Variants in TMEM114 observed in about 807,000 individuals in gnomAD.
TMEM114 encodes claudin-26.
A neutral mutation model predicts 6.2 loss-of-function variants in TMEM114; 6 were observed. The ratio of observed to expected loss-of-function variants is 0.97; its 90% CI spans 0.53 to 1.91. The LOEUF (loss-of-function observed/expected upper bound fraction) is 1.91, where lower values mean the gene tolerates loss of function less well. Among genes scored for constraint, TMEM114 ranks in the 40% most tolerant of loss-of-function variants. The probability of loss-of-function intolerance (pLI) is 0.01; values close to 1 mark genes in which losing one functional copy is unlikely to be tolerated. For synonymous variants in TMEM114, 104 were observed against 73.0 expected, an observed-to-expected ratio of 1.42 and a Z score of -2.16; for missense variants, 218 against 158.3, an observed-to-expected ratio of 1.38 and a Z score of -2.02.
At chr16:8,571,832 T>C (rs761776938) in intron 3 of TMEM114, among the ~76,000 whole-genome samples, 3 of 152,150 alleles carry the variant, frequency 2.0e-5, no homozygotes, top group South Asian at 2.1e-4. Context: ...GCAAAGGTAA[T>C]ACATGCGGCT....
At chr16:8,541,923 C>T (rs1033788034) in intron 2 of TMEM114, among the ~76,000 whole-genome samples, 18 of 152,134 alleles carry the variant, frequency 1.2e-4, no homozygotes, top group Admixed American at 6.5e-5. Flanking sequence ...CTGTTCTTTC[C>T]AAGAACAAAG....
chr16:8,544,482 C>G (rs114843495), intron 2 of TMEM114, among the ~76,000 whole-genome samples: 119 of 152,268 alleles, frequency 7.8e-4, no homozygotes, highest in African/African-American at 2.6e-3. Flanking sequence ...AGAAACAAAA[C>G]CTGCTGAATT....
chr16:8,562,526 T>TGAGTGAGTGAGTGAATGAGTGAGTGGGTG (rs1465142445), intron 2 of TMEM114, among the ~76,000 whole-genome samples: 3 of 127,142 alleles, frequency 2.4e-5, no homozygotes, highest in Non-Finnish European at 5.1e-5. Context: ...ATGAGTGAGT[T>TGAGTGAGTGAGTGAATGAGTGAGTGGGTG]AATGAGTGAG....
At chr16:8,563,325 A>AGTGAGTGAGTGAATGAG (rs1901353474) in intron 2 of TMEM114, among the ~76,000 whole-genome samples, 1 of 115,788 alleles carries the variant, frequency 8.6e-6, no homozygotes, top group African/African-American at 3.4e-5. Flanking sequence ...GAGGGAGGGT[A>AGTGAGTGAGTGAATGAG]TGAGTGAGTG....
chr16:8,569,255 C>T (rs1012264135), downstream of TMEM114, among the ~76,000 whole-genome samples: 2 of 152,136 alleles, frequency 1.3e-5, no homozygotes, highest in African/African-American at 4.8e-5. Flanking sequence ...TTGGGAGTCT[C>T]GCAGCTTCAT....
At chr16:8,565,746 T>A (rs1901520484), downstream of TMEM114, among the ~76,000 whole-genome samples, 1 of 152,034 alleles carries the variant, frequency 6.6e-6, no homozygotes, top group South Asian at 2.1e-4. Flanking sequence ...GGTTCTTACC[T>A]CCCCTGCACA....
At chr16:8,534,542 A>G (rs1375163454), downstream of TMEM114, among the ~76,000 whole-genome samples, 1 of 152,118 alleles carries the variant, frequency 6.6e-6, no homozygotes, top group Non-Finnish European at 1.5e-5. Flanking sequence ...TGTTCCCATC[A>G]CTACTTTTCC....
downstream of TMEM114, among the ~76,000 whole-genome samples, chr16:8,537,361 C>T (rs1416882892): frequency 6.6e-6 from 1 of 151,954 alleles, no homozygotes; most frequent in Non-Finnish European, 1.5e-5. Flanking sequence ...ATTAGCCAAG[C>T]GCGATGGCAC....
At chr16:8,542,995 C>T (rs1417718385) in intron 2 of TMEM114, among the ~76,000 whole-genome samples, 1 of 152,216 alleles carries the variant, frequency 6.6e-6, no homozygotes, top group Non-Finnish European at 1.5e-5. Context: ...ACTGTAATAA[C>T]TCCTAGCCAG....
At chr16:8,537,492 C>T (rs1174260349), downstream of TMEM114, 1 of 152,082 alleles carries the variant, frequency 6.6e-6, no homozygotes, top group Non-Finnish European at 1.5e-5. Flanking sequence ...CAGAGTGAGA[C>T]TCCATCTCAA....
At chr16:8,543,536 T>C (rs1900577453) in intron 2 of TMEM114, among the ~76,000 whole-genome samples, 1 of 151,962 alleles carries the variant, frequency 6.6e-6, no homozygotes, top group South Asian at 2.1e-4. Context: ...TTCTATCTAC[T>C]AGGACACCCC....
At chr16:8,561,655 A>C (rs376460388) in intron 2 of TMEM114, among the ~76,000 whole-genome samples, 3 of 141,432 alleles carry the variant, frequency 2.1e-5, no homozygotes, top group Non-Finnish European at 4.7e-5. Flanking sequence ...GTGAGTGAAT[A>C]AGTGAATGAA....
chr16:8,539,458 G>A (rs1248796588), intron 2 of TMEM114, among the ~76,000 whole-genome samples: 1 of 152,090 alleles, frequency 6.6e-6, no homozygotes, highest in African/African-American at 2.4e-5. Flanking sequence ...CCCAGAGGAG[G>A]GCTCTGCCTC....
At chr16:8,562,784 ATGAG>A (rs1412603878) in intron 2 of TMEM114, among the ~76,000 whole-genome samples, 2 of 132,960 alleles carry the variant, frequency 1.5e-5, no homozygotes, top group East Asian at 2.4e-4. Flanking sequence ...GAGTGAGTGA[ATGAG>A]TAAGTGAGTG....
At chr16:8,581,970 G>C (rs1216469488) in intron 2 of TMEM114, among the ~76,000 whole-genome samples, 1 of 152,162 alleles carries the variant, frequency 6.6e-6, no homozygotes, top group Non-Finnish European at 1.5e-5. Context: ...GCCTCTTCAA[G>C]CATTTATGTC....
chr16:8,545,675 C>A (rs1900643435), intron 2 of TMEM114, among the ~76,000 whole-genome samples: 1 of 152,188 alleles, frequency 6.6e-6, no homozygotes, highest in Non-Finnish European at 1.5e-5. Flanking sequence ...CCAAATGAGG[C>A]TGATGCTGCT....
At chr16:8,535,242 G>A (rs185349469), downstream of TMEM114, among the ~76,000 whole-genome samples, 1 of 152,180 alleles carries the variant, frequency 6.6e-6, no homozygotes, top group Non-Finnish European at 1.5e-5. Flanking sequence ...GGGTTAAAAA[G>A]CTCTATATAA....
chr16:8,562,284 G>GTGAGTGAGTGAA (rs1901263859), intron 2 of TMEM114, among the ~76,000 whole-genome samples: 1 of 149,590 alleles, frequency 6.7e-6, no homozygotes, highest in African/African-American at 2.5e-5. Context: ...GAATGAGTGA[G>GTGAGTGAGTGAA]TGAGTGAGTG....
chr16:8,569,756 C>T lies in TMEM114; in HGVS notation c.*17G>A, dbSNP rs574432173. The T allele has an allele frequency of 1.4e-4, 221 of 1,540,040 alleles. No individual in the cohort carries two copies. The East Asian group carries it at 5.3e-3, about 37-fold the overall frequency. ...GGGCCAAGCCCCTCCCTCCCCTCCA[C>T]GACCCAGCGCCCAGGCTCATATGGC... is the stretch of plus-strand genomic sequence containing the variant. On this transcript the variant is annotated 3_prime_UTR_variant, in exon 4 of 4. Transcript: ENST00000620492.
Sources: gnomAD v4.1 joint callset for allele counts (sites outside exome capture counted in the v4.1 genomes callset) on GRCh38, gnomAD v4.1.1 for gene constraint, MANE v1.5 for transcripts, NCBI Gene and HGNC (gene_info 2026-07-23, HGNC 2026-07-21) for gene names.